Variants in ABCC2 observed in about 807,000 individuals in gnomAD.
ABCC2 encodes the protein ATP-binding cassette sub-family C member 2.
A neutral mutation model predicts 173.4 loss-of-function variants in ABCC2; 157 were observed. That is an observed-to-expected ratio of 0.91 (90% confidence interval 0.80 to 1.03). The LOEUF is 1.03. Among genes scored for constraint, ABCC2 ranks in the 50% least tolerant of loss-of-function variants. The pLI is 0.00. For missense variants in ABCC2, 1,822 were observed against 1,852.3 expected, an observed-to-expected ratio of 0.98 and a Z score of 0.30; for synonymous variants, 657 against 693.5, an observed-to-expected ratio of 0.95 and a Z score of 0.83.
rs386746985 is a variant in ABCC2 at position 99,832,400 on chromosome 10, AAC to A, written c.3258+271_3258+272del. Reference sequence around the variant, plus strand: ...TATAATAGAATATAGTAAAACCAGTAACAGCAGTGTGTAGAAAGGTGGTCTGG... The same window carrying A: ...TATAATAGAATATAGTAAAACCAGTAAGCAGTGTGTAGAAAGGTGGTCTGG... On this transcript the variant is annotated intron_variant, in intron 23 of 31. Transcript: ENST00000647814. Among the ~76,000 whole-genome samples, 83,624 of 151,814 alleles carry A rather than the reference AAC, an allele frequency of 0.55. 23,444 individuals carry two copies. The highest frequency in any genetic ancestry group is 0.78 in the East Asian group (4,029 of 5,138).
chr10:99,811,272 G>C lies in ABCC2; in HGVS notation c.1901-264G>C, dbSNP rs982477145. 2.6e-5 allele frequency among the ~76,000 whole-genome samples: 4 copies of C among 152,020 alleles called. No individual in the cohort carries two copies. The Middle Eastern group carries it at 0.01, about 388-fold the overall frequency. On this transcript the variant is annotated intron_variant, in intron 14 of 31. Transcript: ENST00000647814. ...TTGAGCCCGGAAAGTCAAGGCGGCA[G>C]TCAGCCAAGATTGCACCACTGCACT...
At chr10:99,836,354 C>G (rs1278209930) in intron 25 of ABCC2, 64 bp downstream of exon 25, 1 of 1,537,720 alleles carries the variant, frequency 6.5e-7, no homozygotes, top group African/African-American at 1.4e-5. Context: ...TTGATATTAG[C>G]GGTGGGAGGG....
At chr10:99,807,051 A>C (rs2038121012) in intron 11 of ABCC2, among the ~76,000 whole-genome samples, 1 of 152,234 alleles carries the variant, frequency 6.6e-6, no homozygotes. Context: ...TAATAACTCT[A>C]CAAATGTAAG....
At chr10:99,787,547 T>C (rs1273705420) in intron 2 of ABCC2, among the ~76,000 whole-genome samples, 1 of 152,236 alleles carries the variant, frequency 6.6e-6, no homozygotes, top group Non-Finnish European at 1.5e-5. Flanking sequence ...CCTTGCACCA[T>C]TGTCAGCATT....
chr10:99,792,371 A>G lies in ABCC2; in HGVS notation c.333+12A>G. 2 of 1,613,758 alleles carry G rather than the reference A, an allele frequency of 1.2e-6. No homozygotes were observed. Among genetic ancestry groups the G allele is most frequent in the African/African-American group, 2.7e-5 (2 of 75,050 alleles). Reference sequence around the variant, plus strand: ...ACCTAGGCACATGGGTAAGACCTATACCACTTCTGCCCTGTTTACCTTTTC... The same window carrying G: ...ACCTAGGCACATGGGTAAGACCTATGCCACTTCTGCCCTGTTTACCTTTTC... On this transcript the variant is annotated intron_variant, in intron 3 of 31. Transcript: ENST00000647814.
At chr10:99,826,303 C>T (rs1375997232) in intron 19 of ABCC2, among the ~76,000 whole-genome samples, 1 of 152,144 alleles carries the variant, frequency 6.6e-6, no homozygotes, top group Non-Finnish European at 1.5e-5. Flanking sequence ...TCTGAGATTA[C>T]ATCTGATCCT....
At chr10:99,810,823 G>A (rs1259901962) in intron 14 of ABCC2, among the ~76,000 whole-genome samples, 2 of 152,118 alleles carry the variant, frequency 1.3e-5, no homozygotes, top group Non-Finnish European at 2.9e-5. Flanking sequence ...TCAGGAGTTC[G>A]AGACAAGCCT....
chr10:99,821,247 T>A (rs1486727327), intron 19 of ABCC2, among the ~76,000 whole-genome samples: 4 of 152,236 alleles, frequency 2.6e-5, no homozygotes, highest in Non-Finnish European at 5.9e-5. Flanking sequence ...CCTATCTCAG[T>A]AGATGGAACA....
intron 6 of ABCC2, among the ~76,000 whole-genome samples, chr10:99,796,731 A>G (rs1451282208): frequency 6.6e-6 from 1 of 152,052 alleles, no homozygotes; most frequent in African/African-American, 2.4e-5. Flanking sequence ...AAAACCACAC[A>G]CACCAAAAAC....
intron 19 of ABCC2, 92 bp downstream of exon 19, chr10:99,819,361 A>C (rs1359891527): frequency 7.8e-7 from 1 of 1,279,454 alleles, no homozygotes; most frequent in Non-Finnish European, 1.1e-6. Flanking sequence ...GTATCCAGTG[A>C]ACTAGATTTG....
Position 99,851,341 on chromosome 10 carries a change from C to T in ABCC2, c.4509-161C>T, listed in dbSNP as rs544895917. On this transcript the variant is annotated intron_variant, in intron 31 of 31. Transcript: ENST00000647814. ...TGATTCTTTTGTTCAATATTATTTG[C>T]AGAATTCATCCATGTTGATGTGTGT... Among the ~76,000 whole-genome samples, 18 of 152,320 alleles carry T rather than the reference C, an allele frequency of 1.2e-4. No homozygotes were observed. The South Asian group carries it at 3.3e-3, about 28-fold the overall frequency.
chr10:99,820,160 G>A (rs547121455), intron 19 of ABCC2, among the ~76,000 whole-genome samples: 1 of 152,346 alleles, frequency 6.6e-6, no homozygotes, highest in East Asian at 1.9e-4. Context: ...GGGAGGCTGA[G>A]GCGGGTGGAT....
chr10:99,851,093 T>C (rs2039082860), intron 31 of ABCC2, among the ~76,000 whole-genome samples: 1 of 152,202 alleles, frequency 6.6e-6, no homozygotes, highest in Admixed American at 6.5e-5. Flanking sequence ...ATGTTGACCA[T>C]AGACCTTCCT....
intron 16 of ABCC2, among the ~76,000 whole-genome samples, chr10:99,813,954 T>C (rs1286586359): frequency 6.6e-6 from 1 of 151,984 alleles, no homozygotes; most frequent in Non-Finnish European, 1.5e-5. Flanking sequence ...CACCCAACAT[T>C]GCAATTACTC....
intron 8 of ABCC2, among the ~76,000 whole-genome samples, chr10:99,799,608 G>A (rs747660252): frequency 5.9e-5 from 9 of 152,114 alleles, no homozygotes; most frequent in Non-Finnish European, 8.8e-5. Context: ...ATAGGGGGCC[G>A]GGTAATTGTT....
chr10:99,814,184 TATACACAC>T (rs2038283630), intron 16 of ABCC2, among the ~76,000 whole-genome samples: 1 of 98,276 alleles, frequency 1.0e-5, no homozygotes, highest in Non-Finnish European at 2.2e-5. Flanking sequence ...CACATGTATG[TATACACAC>T]ATGTGTATAT....
chr10:99,826,459 C>G (rs1283230337), intron 19 of ABCC2, among the ~76,000 whole-genome samples: 3 of 151,540 alleles, frequency 2.0e-5, no homozygotes, highest in Non-Finnish European at 4.4e-5. Flanking sequence ...GCCACAAAAT[C>G]AGGGTAGGGC....
chr10:99,825,558 A>C (rs1301920711), intron 19 of ABCC2, among the ~76,000 whole-genome samples: 1 of 152,252 alleles, frequency 6.6e-6, no homozygotes, highest in East Asian at 1.9e-4. Context: ...CCCTTAATAT[A>C]TGGCAGGAGT....
chr10:99,806,280 G>C (rs1454246276), intron 11 of ABCC2, among the ~76,000 whole-genome samples: 1 of 152,188 alleles, frequency 6.6e-6, no homozygotes, highest in Non-Finnish European at 1.5e-5. Flanking sequence ...ATGGTAACTT[G>C]AGCGGGCCCA....
Sources: allele counts gnomAD v4.1 joint callset (sites outside exome capture counted in the v4.1 genomes callset), GRCh38; gene constraint gnomAD v4.1.1; transcripts MANE v1.5; gene names NCBI Gene and HGNC (gene_info 2026-07-23, HGNC 2026-07-21).